ANAPC1: variants seen among roughly 807,000 people sequenced by gnomAD.
ANAPC1 encodes anaphase promoting complex subunit 1.
In ANAPC1, 36 loss-of-function variants were observed where a neutral mutation model predicts 208.0. The ratio of observed to expected loss-of-function variants is 0.17; its 90% CI spans 0.13 to 0.23. The LOEUF is 0.23. Ranked by LOEUF, ANAPC1 falls within the 10% of genes least tolerant of loss-of-function variation. The pLI is 1.00. For missense variants in ANAPC1, 942 were observed against 2,011.6 expected (o/e 0.47, Z 10.17); for synonymous variants, 378 against 695.2 (o/e 0.54, Z 7.18).
chr2:111,790,453 T>A (rs1428992222), intron 38 of ANAPC1, among the ~76,000 whole-genome samples: 1 of 152,004 alleles, frequency 6.6e-6, no homozygotes, highest in African/African-American at 2.4e-5. Context: ...AGCCCAGAAA[T>A]AAACACAGGT....
At chr2:111,837,799 G>T (rs1462706100) in intron 18 of ANAPC1, among the ~76,000 whole-genome samples, 2 of 151,416 alleles carry the variant, frequency 1.3e-5, no homozygotes, top group African/African-American at 2.4e-5. Context: ...ATAATACCAT[G>T]GAGGCCAGGT....
intron 10 of ANAPC1, among the ~76,000 whole-genome samples, chr2:111,860,953 T>C (rs1682029703): frequency 6.6e-6 from 1 of 152,216 alleles, no homozygotes; most frequent in Non-Finnish European, 1.5e-5. Context: ...TCACCACCTA[T>C]AAGCTGACAA....
At chr2:111,844,263 G>C (rs1333859574) in intron 16 of ANAPC1, among the ~76,000 whole-genome samples, 1 of 151,876 alleles carries the variant, frequency 6.6e-6, no homozygotes, top group Non-Finnish European at 1.5e-5. Context: ...TTCTAGCTCG[G>C]GTGACAAATT....
intron 38 of ANAPC1, among the ~76,000 whole-genome samples, chr2:111,790,712 T>C (rs542842528): frequency 6.6e-6 from 1 of 152,052 alleles, no homozygotes; most frequent in Admixed American, 6.6e-5. Flanking sequence ...ACATTAATAA[T>C]TGTGTCATCA....
chr2:111,861,132 G>C lies in ANAPC1; in HGVS notation c.1262+1257C>G, dbSNP rs576449254. On this transcript the variant is annotated intron_variant, in intron 10 of 47. Transcript: ENST00000341068. The stretch of plus-strand genomic sequence containing the variant: ...ACTCTGTTGCCCAAGCTGGAGTGCA[G>C]TAGTGTGCTCTTGGCTCACTGCAAC... 2.6e-5 allele frequency among the ~76,000 whole-genome samples: 4 copies of C among 152,312 alleles called. No individual in the cohort carries two copies. The East Asian group carries it at 7.7e-4, about 29-fold the overall frequency.
At chr2:111,789,128 A>G (rs1677736952) in intron 38 of ANAPC1, among the ~76,000 whole-genome samples, 2 of 152,024 alleles carry the variant, frequency 1.3e-5, no homozygotes, top group Admixed American at 1.3e-4. Flanking sequence ...AAAGAGCGAG[A>G]CTCCTTCTCA....
At chr2:111,829,822 C>A (rs1177717342) in intron 21 of ANAPC1, among the ~76,000 whole-genome samples, 1 of 152,108 alleles carries the variant, frequency 6.6e-6, no homozygotes, top group African/African-American at 2.4e-5. Flanking sequence ...GTAATCCCAG[C>A]ACTTTGGGAG....
intron 43 of ANAPC1, among the ~76,000 whole-genome samples, chr2:111,781,816 G>A (rs1677296684): frequency 6.6e-6 from 1 of 152,288 alleles, no homozygotes; most frequent in Non-Finnish European, 1.5e-5. Flanking sequence ...CCGTGGGAAT[G>A]AGATTGCTTC....
intron 10 of ANAPC1, among the ~76,000 whole-genome samples, chr2:111,861,848 C>T (rs1348390225): frequency 8.3e-6 from 1 of 120,824 alleles, no homozygotes; most frequent in African/African-American, 2.9e-5. Flanking sequence ...AAAAAACACC[C>T]GAAAAATGAG....
chr2:111,810,860 G>A (rs1678950379), intron 28 of ANAPC1, among the ~76,000 whole-genome samples: 1 of 128,452 alleles, frequency 7.8e-6, no homozygotes. Flanking sequence ...TCCAGCCTAG[G>A]TGACAGGGTG....
At chr2:111,831,026 C>G (rs1163580476) in intron 21 of ANAPC1, among the ~76,000 whole-genome samples, 2 of 152,152 alleles carry the variant, frequency 1.3e-5, no homozygotes, top group Non-Finnish European at 2.9e-5. Context: ...ATGGCACATT[C>G]ATGCAATAAA....
chr2:111,782,355 A>G lies in ANAPC1; in HGVS notation c.5202+14T>C. On this transcript the variant is annotated intron_variant, in intron 43 of 47. Transcript: ENST00000341068. ...GAATTATTTCTTTCCGTTTTTACCAATCAATAATACTACCTTGAAAGCCCG... is the reference window on the plus strand; with the variant it reads ...GAATTATTTCTTTCCGTTTTTACCAGTCAATAATACTACCTTGAAAGCCCG... 6.2e-7 allele frequency: 1 copy of G among 1,613,072 alleles called. No homozygotes were observed. Among genetic ancestry groups the G allele is most frequent in the Non-Finnish European group, 8.5e-7 (1 of 1,179,440 alleles).
rs1260655189 is a variant in ANAPC1, at chr2:111,878,784, A to G, written c.375+26T>C. 3.8e-6 allele frequency: 6 copies of G among 1,587,936 alleles called. No homozygotes were observed. The East Asian group carries it at 1.3e-4, about 35-fold the overall frequency. ...TTTTAATTGCATTAAATAGTGAATC[A>G]AATGCTAAAATTCAAATCAACTCAC... is the stretch of plus-strand genomic sequence containing the variant. On this transcript the variant is annotated intron_variant, in intron 3 of 47. Transcript: ENST00000341068.
At chr2:111,771,210 C>A (rs1336796868) in intron 47 of ANAPC1, 1 of 149,300 alleles carries the variant, frequency 6.7e-6, no homozygotes, top group Non-Finnish European at 1.5e-5. Context: ...CTTTAACAAG[C>A]GTTGAATTCC....
At chr2:111,794,495 G>A (rs1309825369) in intron 35 of ANAPC1, among the ~76,000 whole-genome samples, 172 bp from the exon 36 acceptor site, 1 of 151,790 alleles carries the variant, frequency 6.6e-6, no homozygotes, top group Non-Finnish European at 1.5e-5. Flanking sequence ...GAAGCATCGG[G>A]TCACCTTACT....
intron 39 of ANAPC1, among the ~76,000 whole-genome samples, chr2:111,787,215 A>G (rs1365433021): frequency 1.3e-5 from 2 of 150,420 alleles, no homozygotes; most frequent in Non-Finnish European, 3.0e-5. Context: ...GCTAAGCCAA[A>G]TAGCTATGAC....
intron 18 of ANAPC1, among the ~76,000 whole-genome samples, chr2:111,837,033 T>C (rs576216781): frequency 3.0e-4 from 45 of 152,114 alleles, no homozygotes; most frequent in African/African-American, 7.2e-4. Flanking sequence ...TAGCTTGCTT[T>C]ATTCATAAGA....
At chr2:111,792,298 GTAAGTCACCCT>G (rs1325401402) in intron 38 of ANAPC1, 53 bp downstream of exon 38, 29 of 965,756 alleles carry the variant, frequency 3.0e-5, no homozygotes, top group Non-Finnish European at 4.3e-5. Flanking sequence ...CAAGATCAAC[GTAAGTCACCCT>G]TATAGATCTC....
At chr2:111,799,240 CA>C (rs1462897326) in intron 34 of ANAPC1, among the ~76,000 whole-genome samples, 7 of 151,890 alleles carry the variant, frequency 4.6e-5, no homozygotes, top group Non-Finnish European at 1.0e-4. Flanking sequence ...CAAATTTAAA[CA>C]ACAGTCAGAT....
Sources: allele counts gnomAD v4.1 joint callset (sites outside exome capture counted in the v4.1 genomes callset), GRCh38; gene constraint gnomAD v4.1.1; transcripts MANE v1.5; gene names NCBI Gene and HGNC (gene_info 2026-07-23, HGNC 2026-07-21).